The following ABCG8 variants were observed in gnomAD, a reference collection of about 807,000 sequenced individuals.
ABCG8 encodes the protein ATP-binding cassette sub-family G member 8.
Under a neutral mutation model 71.3 loss-of-function variants are expected in ABCG8, and 81 were observed. The ratio of observed to expected loss-of-function variants is 1.14; its 90% CI spans 0.95 to 1.37. The LOEUF (loss-of-function observed/expected upper bound fraction) is 1.37, where lower values mean the gene tolerates loss of function less well. ABCG8 is among the 40% of genes most tolerant of loss of function. ABCG8 has a pLI of 0.00. For missense variants in ABCG8, 1,119 were observed against 866.2 expected, an observed-to-expected ratio of 1.29 and a Z score of -3.66; for synonymous variants, 451 against 354.7, an observed-to-expected ratio of 1.27 and a Z score of -3.05.
At position 43,852,498 on chromosome 2, in the gene ABCG8, G is replaced by A; in HGVS notation, c.694+12G>A. Reference sequence around the variant, plus strand: ...CCTGTGGAACCCAGGTGAGGGCCTGGGGGGCAGATGGGGGCAGAGGGACCT... The same window carrying A: ...CCTGTGGAACCCAGGTGAGGGCCTGAGGGGCAGATGGGGGCAGAGGGACCT... On this transcript the variant is annotated intron_variant, in intron 5 of 12. Coordinates refer to ENST00000272286, the MANE Select transcript of ABCG8 (RefSeq NM_022437.3). The A allele has an allele frequency of 3.1e-6, 5 of 1,613,522 alleles. No homozygotes were observed. The highest frequency in any genetic ancestry group is 1.1e-5 in the South Asian group (1 of 91,062).
At chr2:43,860,412 G>T (rs76831745) in intron 6 of ABCG8, among the ~76,000 whole-genome samples, 1,678 of 148,382 alleles carry the variant, frequency 0.011, 24 homozygotes, top group African/African-American at 0.039. Flanking sequence ...CAGTTCTCAC[G>T]ATCTGGATAG....
At chr2:43,852,280 A>G in intron 4 of ABCG8, 74 bp from the exon 5 acceptor site, 1 of 1,607,424 alleles carries the variant, frequency 6.2e-7, no homozygotes, top group Non-Finnish European at 8.5e-7. Flanking sequence ...GGGCGCCTTT[A>G]TCCTTGGGGT....
At chr2:43,852,301 C>T in intron 4 of ABCG8, 53 bp from the exon 5 acceptor site, 1 of 1,611,070 alleles carries the variant, frequency 6.2e-7, no homozygotes, top group Non-Finnish European at 8.5e-7. Flanking sequence ...CACAATGTGT[C>T]CAGCCCTGAA....
rs1351611509 is a variant in ABCG8, at chr2:43,879,597, G to C, written c.*1684G>C. The C allele has an allele frequency of 1.3e-5, 2 of 152,224 alleles. No individual in the cohort carries two copies. Among genetic ancestry groups the C allele is most frequent in the African/African-American group, 4.8e-5 (2 of 41,456 alleles). The allele number at this position is 152,224 out of a possible 1,614,324, so 9.4% of individuals were successfully genotyped here. ...TCCAACCTGCAGACCCCATTCTTGA[G>C]ATTGACTGGGAGTTCCTATCATGTC... On this transcript the variant is annotated 3_prime_UTR_variant, in exon 13 of 13. Transcript: ENST00000272286.
At chr2:43,849,046 A>AAAAAAAT (rs1668832671) in intron 3 of ABCG8, among the ~76,000 whole-genome samples, 3 of 148,814 alleles carry the variant, frequency 2.0e-5, no homozygotes, top group African/African-American at 7.4e-5. Flanking sequence ...AAAAAAAAAA[A>AAAAAAAT]GGAAAAGAAA....
Position 43,854,626 on chromosome 2 carries a change from C to CAAAAAAAAAAA in ABCG8, c.964+1767_964+1777dup, listed in dbSNP as rs759609173. On this transcript the variant is annotated intron_variant, in intron 6 of 12. Transcript: ENST00000272286. Reference sequence around the variant, plus strand: ...TGGGCGATAGAGTGAGACTCCATCTCAAAAAAAAAAAAAAAAAAAGGATAT... The same window carrying CAAAAAAAAAAA: ...TGGGCGATAGAGTGAGACTCCATCTCAAAAAAAAAAAAAAAAAAAAAAAAAAAAAAGGATAT... 6.0e-4 allele frequency among the ~76,000 whole-genome samples: 45 copies of CAAAAAAAAAAA among 74,728 alleles called. 2 individuals carry two copies. Among genetic ancestry groups the CAAAAAAAAAAA allele is most frequent in the African/African-American group, 2.0e-3 (37 of 18,430 alleles). The allele number at this position is 74,728 out of a possible 152,430, so 49.0% of individuals were successfully genotyped here. A position where few individuals can be genotyped will look rare whatever the true frequency, so the allele number is the denominator to read the frequency against.
At chr2:43,866,320 G>A (rs550600209) in intron 6 of ABCG8, among the ~76,000 whole-genome samples, 1 of 151,744 alleles carries the variant, frequency 6.6e-6, no homozygotes, top group Admixed American at 6.6e-5. Context: ...AAAAGCAATG[G>A]CAACAAAAGC....
chr2:43,861,394 C>G (rs373296854), intron 6 of ABCG8, among the ~76,000 whole-genome samples: 47 of 151,440 alleles, frequency 3.1e-4, no homozygotes, highest in African/African-American at 1.1e-3. Context: ...CTCTCACTAT[C>G]TGTCTGGATC....
chr2:43,856,769 A>ACTCTAGATAAAACTCTCACT (rs1218608597), intron 6 of ABCG8, among the ~76,000 whole-genome samples: 1 of 151,014 alleles, frequency 6.6e-6, no homozygotes, highest in Non-Finnish European at 1.5e-5. Flanking sequence ...TAGAATTCTC[A>ACTCTAGATAAAACTCTCACT]CTCTAGATAA....
intron 6 of ABCG8, among the ~76,000 whole-genome samples, chr2:43,871,122 A>G (rs1214575270): frequency 9.2e-3 from 1,302 of 141,462 alleles, no homozygotes; most frequent in Middle Eastern, 0.02. Flanking sequence ...AACTCTCACT[A>G]TCTGGATAGA....
intron 6 of ABCG8, among the ~76,000 whole-genome samples, chr2:43,860,394 G>A (rs1019639192): frequency 6.8e-6 from 1 of 147,670 alleles, no homozygotes; most frequent in Non-Finnish European, 1.5e-5. Flanking sequence ...CTCACTCTCT[G>A]TTTGGTACAG....
intron 3 of ABCG8, among the ~76,000 whole-genome samples, chr2:43,849,131 T>C (rs957902561): frequency 3.3e-5 from 5 of 152,090 alleles, no homozygotes; most frequent in African/African-American, 1.2e-4. Flanking sequence ...TTGATGAGTT[T>C]ATTGATTTGG....
At chr2:43,845,058 A>G (rs1300844188) in intron 2 of ABCG8, among the ~76,000 whole-genome samples, 2 of 150,482 alleles carry the variant, frequency 1.3e-5, no homozygotes, top group African/African-American at 4.9e-5. Context: ...GACTTTATTC[A>G]GATTTCATTA....
intron 1 of ABCG8, among the ~76,000 whole-genome samples, chr2:43,842,422 C>T (rs1281769560): frequency 1.3e-5 from 2 of 152,162 alleles, no homozygotes; most frequent in Non-Finnish European, 2.9e-5. Flanking sequence ...GGCCGAAGGG[C>T]TGATCTGCCA....
At chr2:43,845,748 A>C (rs58613498) in intron 2 of ABCG8, among the ~76,000 whole-genome samples, 1 of 151,928 alleles carries the variant, frequency 6.6e-6, no homozygotes, top group Non-Finnish European at 1.5e-5. Flanking sequence ...CAGCCTCCCA[A>C]GTAGCTGGGA....
Position 43,881,766 on chromosome 2 carries a change from GC to G in ABCG8, c.*3856del, listed in dbSNP as rs1222800170. The stretch of plus-strand genomic sequence containing the variant: ...GCATGCATGCTGTTCAGCGAGCCCT[GC>G]CCTGCATTGCGAAAGGGTAGAGATT... On this transcript the variant is annotated 3_prime_UTR_variant, in exon 13 of 13. Coordinates refer to ENST00000272286, the MANE Select transcript of ABCG8 (RefSeq NM_022437.3). 6.6e-6 allele frequency: 1 copy of G among 151,510 alleles called. No individual in the cohort carries two copies. Among genetic ancestry groups the G allele is most frequent in the Non-Finnish European group, 1.5e-5 (1 of 67,996 alleles). 9.4% of individuals were successfully genotyped at this position (151,510 alleles called of 1,614,324 possible). A position where few individuals can be genotyped will look rare whatever the true frequency, so the allele number is the denominator to read the frequency against.
Position 43,875,247 on chromosome 2 carries a change from G to A in ABCG8, c.1590G>A (p.Leu530=), listed in dbSNP as rs1240598477. The A allele has an allele frequency of 1.1e-5, 17 of 1,614,122 alleles. 1 individual carries two copies. The African/African-American group carries it at 1.1e-4, about 10-fold the overall frequency. The change falls in exon 11 of 13, where the codon CTG becomes CTA. Residue 530 remains leucine (L), a synonymous_variant. Transcript: ENST00000272286. The part of the protein sequence containing the change: ...NLRPGLQPFL[L]HFLLVWLVVF... ...GGCCAGGCCTCCAGCCCTTCCTGCTGCACTTCCTGCTGGTGTGGCTGGTGG... is the reference window on the plus strand; with the variant it reads ...GGCCAGGCCTCCAGCCCTTCCTGCTACACTTCCTGCTGGTGTGGCTGGTGG...
At position 43,843,882 on chromosome 2, in the gene ABCG8, A is replaced by T. The variant is rs192919482; in HGVS notation, c.64-625A>T. On this transcript the variant is annotated intron_variant, in intron 1 of 12. Transcript: ENST00000272286. Reference sequence around the variant, plus strand: ...TGATGATGAGAGGGACTTCCTCTCAAAGCTCCCAGCAGCATTTTCCATCAC... The same window carrying T: ...TGATGATGAGAGGGACTTCCTCTCATAGCTCCCAGCAGCATTTTCCATCAC... 1.4e-3 allele frequency among the ~76,000 whole-genome samples: 215 copies of T among 152,290 alleles called. 1 individual carries two copies. Among genetic ancestry groups the T allele is most frequent in the Non-Finnish European group, 2.4e-3 (160 of 68,016 alleles).
chr2:43,862,738 T>C (rs1285728695), intron 6 of ABCG8, among the ~76,000 whole-genome samples: 1 of 147,384 alleles, frequency 6.8e-6, no homozygotes, highest in Non-Finnish European at 1.5e-5. Context: ...TGGATAGAAC[T>C]CTCACGATCT....
Sources: allele counts gnomAD v4.1 joint callset (sites outside exome capture counted in the v4.1 genomes callset), GRCh38; gene constraint gnomAD v4.1.1; transcripts MANE v1.5; gene names NCBI Gene and HGNC (gene_info 2026-07-23, HGNC 2026-07-21).